Variants in ARMH3 observed in about 807,000 individuals in gnomAD.
The protein encoded by ARMH3 is armadillo-like helical domain-containing protein 3.
A neutral mutation model predicts 99.1 loss-of-function variants in ARMH3; 60 were observed. The observed-to-expected ratio is 0.61, with a 90% CI of 0.49 to 0.75. The LOEUF (loss-of-function observed/expected upper bound fraction) is 0.75, where lower values mean the gene tolerates loss of function less well. Among genes scored for constraint, ARMH3 ranks in the 30% least tolerant of loss-of-function variants. The pLI is 0.00. For missense variants in ARMH3, 679 were observed against 843.1 expected, an observed-to-expected ratio of 0.81 and a Z score of 2.41; for synonymous variants, 285 against 292.8, an observed-to-expected ratio of 0.97 and a Z score of 0.27.
chr10:101,959,981 C>T (rs1845208651), intron 20 of ARMH3, among the ~76,000 whole-genome samples: 1 of 152,190 alleles, frequency 6.6e-6, no homozygotes, highest in African/African-American at 2.4e-5. Context: ...AGTTCGAGAA[C>T]AGCCTGGGCA....
At chr10:102,036,258 G>C (rs2067266456) in intron 2 of ARMH3, among the ~76,000 whole-genome samples, 1 of 150,862 alleles carries the variant, frequency 6.6e-6, no homozygotes, top group Admixed American at 6.6e-5. Context: ...AGGGAGATGG[G>C]GGGGCACATC....
At chr10:101,944,093 C>T (rs1374119272) in intron 22 of ARMH3, among the ~76,000 whole-genome samples, 1 of 147,792 alleles carries the variant, frequency 6.8e-6, no homozygotes, top group Non-Finnish European at 1.5e-5. Context: ...ATTAGAAATA[C>T]GTTCGATATA....
intron 22 of ARMH3, among the ~76,000 whole-genome samples, chr10:101,953,808 A>G (rs1384767477): frequency 6.6e-6 from 1 of 152,162 alleles, no homozygotes; most frequent in Non-Finnish European, 1.5e-5. Context: ...GCATTTTGGA[A>G]AACGGTTTGG....
chr10:101,992,708 G>A (rs562875100), intron 17 of ARMH3, among the ~76,000 whole-genome samples: 2 of 151,880 alleles, frequency 1.3e-5, no homozygotes, highest in Non-Finnish European at 2.9e-5. Context: ...TGTTAGCCAG[G>A]GTGGTCTCAA....
intron 5 of ARMH3, among the ~76,000 whole-genome samples, chr10:102,025,655 TTTTC>T (rs2066984591): frequency 6.6e-6 from 1 of 152,138 alleles, no homozygotes; most frequent in Non-Finnish European, 1.5e-5. Context: ...TTTTCTTTTC[TTTTC>T]TTTTTGAGAC....
chr10:101,937,048 A>G (rs761888775), intron 23 of ARMH3, among the ~76,000 whole-genome samples: 2 of 152,252 alleles, frequency 1.3e-5, no homozygotes, highest in African/African-American at 4.8e-5. Flanking sequence ...AGGTCACACA[A>G]TAAGTGGTAG....
chr10:101,940,619 A>T (rs188686190), intron 22 of ARMH3, among the ~76,000 whole-genome samples: 1 of 152,122 alleles, frequency 6.6e-6, no homozygotes, highest in Admixed American at 6.6e-5. Flanking sequence ...ACCCCACAAC[A>T]GGTCCCGGTG....
chr10:101,919,297 G>C (rs1176189646), intron 23 of ARMH3, among the ~76,000 whole-genome samples: 4 of 151,970 alleles, frequency 2.6e-5, no homozygotes, highest in African/African-American at 9.7e-5. Flanking sequence ...AGCCTCACCA[G>C]TTTGAAGAAC....
At chr10:101,908,263 C>T (rs1209693042) in intron 23 of ARMH3, among the ~76,000 whole-genome samples, 2 of 152,088 alleles carry the variant, frequency 1.3e-5, no homozygotes, top group South Asian at 2.1e-4. Context: ...TCTAGTAATG[C>T]ATGTAAATAC....
Position 102,023,749 on chromosome 10 carries a change from C to T in ARMH3, c.508G>A (p.Val170Met). 6.2e-7 allele frequency: 1 copy of T among 1,613,678 alleles called. No homozygotes were observed. Among genetic ancestry groups the T allele is most frequent in the Non-Finnish European group, 8.5e-7 (1 of 1,179,654 alleles). ...CLKLLLCLVT[V>M]TDNISQNTIL... is the part of the protein sequence containing the mutation. ...GTGTTCTGGCTGATGTTATCTGTCA[C>T]CTGAATGTAATAAAAGGCTTTTTAA... The change falls in exon 7 of 26, where the codon GTG (valine) becomes ATG (methionine). Residue 170 changes from valine (V) to methionine (M), a missense_variant and splice_region_variant. Around this residue, in one of 3 missense-constraint regions of ARMH3, gnomAD observed 280 missense variants for 354.6 expected, o/e 0.79. Coordinates refer to ENST00000370033, the MANE Select transcript of ARMH3 (RefSeq NM_024541.3).
intron 2 of ARMH3, among the ~76,000 whole-genome samples, chr10:102,037,544 G>A (rs1306735087): frequency 1.3e-5 from 2 of 151,608 alleles, no homozygotes; most frequent in South Asian, 4.2e-4. Context: ...TTCTCACAAC[G>A]TCCTCATTTT....
chr10:101,996,599 T>C (rs1384213960), intron 15 of ARMH3, among the ~76,000 whole-genome samples: 3 of 152,106 alleles, frequency 2.0e-5, no homozygotes, highest in Non-Finnish European at 4.4e-5. Flanking sequence ...TATGGCACTA[T>C]CCTCCCACAA....
rs746258616 is a variant in ARMH3 at position 101,993,616 on chromosome 10, T to C, written c.1210-13A>G. 64 of 1,549,894 alleles carry C rather than the reference T, an allele frequency of 4.1e-5. No homozygotes were observed. Among genetic ancestry groups the C allele is most frequent in the Admixed American group, 3.6e-4 (19 of 52,730 alleles). ...TGGCATATTGATCCTAATAAAAATATAGAGAAAAAGTAAGAAGCGAGAGCT... is the reference window on the plus strand; with the variant it reads ...TGGCATATTGATCCTAATAAAAATACAGAGAAAAAGTAAGAAGCGAGAGCT... On this transcript the variant is annotated splice_polypyrimidine_tract_variant and intron_variant, in intron 16 of 25. Transcript: ENST00000370033.
At chr10:101,926,720 T>C (rs1047079283) in intron 23 of ARMH3, among the ~76,000 whole-genome samples, 2 of 152,200 alleles carry the variant, frequency 1.3e-5, no homozygotes, top group African/African-American at 4.8e-5. Flanking sequence ...TATAATTCAA[T>C]GGCTACATTT....
At chr10:102,010,295 C>A (rs1156605405) in intron 11 of ARMH3, among the ~76,000 whole-genome samples, 2 of 152,160 alleles carry the variant, frequency 1.3e-5, no homozygotes, top group African/African-American at 4.8e-5. Context: ...AAGAAAAAGC[C>A]TAGTACTTTT....
At chr10:101,854,943 G>A (rs2135280595) in intron 24 of ARMH3, among the ~76,000 whole-genome samples, 1 of 147,860 alleles carries the variant, frequency 6.8e-6, no homozygotes, top group East Asian at 2.0e-4. Flanking sequence ...GTGACAAGGA[G>A]TATTTGGAGT....
At chr10:101,933,602 G>C (rs1843820826) in intron 23 of ARMH3, among the ~76,000 whole-genome samples, 1 of 152,118 alleles carries the variant, frequency 6.6e-6, no homozygotes, top group African/African-American at 2.4e-5. Context: ...CCCAGTCATT[G>C]GGTAAACAAT....
intron 24 of ARMH3, among the ~76,000 whole-genome samples, chr10:101,855,698 A>T (rs1006894784): frequency 2.1e-4 from 31 of 146,740 alleles, no homozygotes; most frequent in African/African-American, 2.2e-4. Context: ...GGTGTGAAAA[A>T]ATATATATAT....
intron 24 of ARMH3, among the ~76,000 whole-genome samples, chr10:101,855,187 C>T: frequency 7.4e-6 from 1 of 134,938 alleles, no homozygotes; most frequent in African/African-American, 2.8e-5. Context: ...CCTGCCTCAG[C>T]CTCCCAAGTA....
Sources: gnomAD v4.1 joint callset for allele counts (sites outside exome capture counted in the v4.1 genomes callset) on GRCh38, gnomAD v4.1.1 for gene constraint, gnomAD v4.1.1 regional missense constraint, MANE v1.5 for transcripts, NCBI Gene and HGNC (gene_info 2026-07-23, HGNC 2026-07-21) for gene names.